MACROD2: variants seen among roughly 807,000 people sequenced by gnomAD.
MACROD2 encodes the protein ADP-ribose glycohydrolase MACROD2.
A neutral mutation model predicts 70.4 loss-of-function variants in MACROD2; 36 were observed. The observed-to-expected ratio is 0.51, with a 90% CI of 0.39 to 0.68. MACROD2 has a LOEUF of 0.68. Ranked by LOEUF, MACROD2 falls within the 30% of genes least tolerant of loss-of-function variation. MACROD2 has a pLI of 0.00. For missense variants in MACROD2, 496 were observed against 538.4 expected (o/e 0.92, Z 0.78); for synonymous variants, 172 against 178.8 (o/e 0.96, Z 0.30).
intron 3 of MACROD2, among the ~76,000 whole-genome samples, chr20:14,417,472 GC>G (rs1485386795): frequency 6.6e-5 from 10 of 152,128 alleles, no homozygotes; most frequent in Admixed American, 6.6e-4. Flanking sequence ...CTAGAGGGAG[GC>G]CAGAGGTTTC....
chr20:15,529,425 A>T (rs2047766552), intron 8 of MACROD2, among the ~76,000 whole-genome samples: 1 of 152,068 alleles, frequency 6.6e-6, no homozygotes, highest in Non-Finnish European at 1.5e-5. Flanking sequence ...CTATATATAT[A>T]TTTGTGGCTG....
At chr20:15,490,091 G>T (rs938994802) in intron 7 of MACROD2, among the ~76,000 whole-genome samples, 1 of 151,706 alleles carries the variant, frequency 6.6e-6, no homozygotes, top group Non-Finnish European at 1.5e-5. Context: ...TATTAAAACT[G>T]CATGACAAAG....
At chr20:15,761,220 A>C (rs1017142419) in intron 8 of MACROD2, among the ~76,000 whole-genome samples, 22 of 152,004 alleles carry the variant, frequency 1.4e-4, no homozygotes, top group Non-Finnish European at 8.8e-5. Flanking sequence ...TAATTTTTAT[A>C]TTTTTAGTAG....
At chr20:14,937,925 A>T (rs1268197306) in intron 5 of MACROD2, among the ~76,000 whole-genome samples, 1 of 150,914 alleles carries the variant, frequency 6.6e-6, no homozygotes, top group Non-Finnish European at 1.5e-5. Flanking sequence ...GATTGATGTG[A>T]TATTTGTCTT....
At chr20:14,950,539 C>A (rs559170767) in intron 5 of MACROD2, among the ~76,000 whole-genome samples, 1 of 152,244 alleles carries the variant, frequency 6.6e-6, no homozygotes, top group Middle Eastern at 3.4e-3. Flanking sequence ...CACCAATGAA[C>A]CGGCAAGAAC....
At chr20:15,161,816 A>G (rs186698953) in intron 5 of MACROD2, among the ~76,000 whole-genome samples, 255 of 152,188 alleles carry the variant, frequency 1.7e-3, no homozygotes, top group Middle Eastern at 0.01. Flanking sequence ...CAATGTTTAA[A>G]CAAAGCATAG....
intron 8 of MACROD2, among the ~76,000 whole-genome samples, chr20:15,760,398 C>T (rs940306483): frequency 2.0e-5 from 3 of 152,168 alleles, no homozygotes; most frequent in African/African-American, 7.2e-5. Flanking sequence ...AGTGCAGCTT[C>T]GGCAGACAGC....
chr20:15,341,145 C>A (rs2078106343), intron 6 of MACROD2, among the ~76,000 whole-genome samples: 1 of 152,144 alleles, frequency 6.6e-6, no homozygotes, highest in African/African-American at 2.4e-5. Context: ...CCTGCAAAAA[C>A]CCTCACATCC....
At chr20:15,617,041 G>C (rs116360644) in intron 8 of MACROD2, among the ~76,000 whole-genome samples, 1 of 152,136 alleles carries the variant, frequency 6.6e-6, no homozygotes, top group Non-Finnish European at 1.5e-5. Flanking sequence ...TTCTGAGTTC[G>C]AGACTAATGT....
chr20:14,453,709 TAAAAGA>T (rs1207129127), intron 3 of MACROD2, among the ~76,000 whole-genome samples: 4 of 152,188 alleles, frequency 2.6e-5, no homozygotes, highest in Non-Finnish European at 5.9e-5. Context: ...GATAAAAATT[TAAAAGA>T]AATTACCTAT....
chr20:14,466,088 T>G (rs1173754219), intron 3 of MACROD2, among the ~76,000 whole-genome samples: 1 of 152,130 alleles, frequency 6.6e-6, no homozygotes, highest in African/African-American at 2.4e-5. Context: ...CCTGCCTTGC[T>G]AGATTGGGGA....
intron 4 of MACROD2, among the ~76,000 whole-genome samples, chr20:14,582,557 G>A (rs949108128): frequency 6.6e-6 from 1 of 152,030 alleles, no homozygotes; most frequent in Non-Finnish European, 1.5e-5. Context: ...CATAACATCA[G>A]CATAATATTA....
At chr20:15,962,351 C>T (rs1324002117) in intron 12 of MACROD2, among the ~76,000 whole-genome samples, 1 of 152,156 alleles carries the variant, frequency 6.6e-6, no homozygotes, top group East Asian at 1.9e-4. Flanking sequence ...GCTGTAGTTC[C>T]TAGGTGCAGA....
intron 5 of MACROD2, among the ~76,000 whole-genome samples, chr20:14,800,954 C>T (rs2072567652): frequency 6.6e-6 from 1 of 152,248 alleles, no homozygotes; most frequent in African/African-American, 2.4e-5. Context: ...CATATGGTTA[C>T]AGTCCTCCAT....
chr20:14,567,293 G>A (rs1034883532), intron 4 of MACROD2, among the ~76,000 whole-genome samples: 2 of 152,032 alleles, frequency 1.3e-5, no homozygotes, highest in African/African-American at 4.8e-5. Context: ...GATATTGTAT[G>A]TTGGGATATT....
chr20:15,481,339 A>T (rs917113200), intron 7 of MACROD2, among the ~76,000 whole-genome samples: 3 of 152,230 alleles, frequency 2.0e-5, no homozygotes, highest in Non-Finnish European at 2.9e-5. Flanking sequence ...TCTGGAAATG[A>T]CTGAATGACT....
intron 6 of MACROD2, among the ~76,000 whole-genome samples, chr20:15,235,362 A>AT (rs893046175): frequency 6.6e-6 from 1 of 152,154 alleles, no homozygotes; most frequent in African/African-American, 2.4e-5. Context: ...ATGCTAGATG[A>AT]TTTTTTTGAA....
chr20:15,734,718 A>T (rs2050995924), intron 8 of MACROD2, among the ~76,000 whole-genome samples: 1 of 152,196 alleles, frequency 6.6e-6, no homozygotes, highest in African/African-American at 2.4e-5. Flanking sequence ...ATATGTGTCT[A>T]TATATAGAAA....
chr20:14,486,265 C>T (rs1024137527), intron 3 of MACROD2, among the ~76,000 whole-genome samples: 40 of 152,114 alleles, frequency 2.6e-4, no homozygotes, highest in African/African-American at 8.7e-4. Context: ...GACCTTCTTT[C>T]AAGGGACATA....
Sources: allele counts gnomAD v4.1 joint callset (sites outside exome capture counted in the v4.1 genomes callset), GRCh38; gene constraint gnomAD v4.1.1; transcripts MANE v1.5; gene names NCBI Gene and HGNC (gene_info 2026-07-23, HGNC 2026-07-21).